Variants in KANK1 observed in about 807,000 individuals in gnomAD.
KANK1 encodes KN motif and ankyrin repeat domains 1, also known as KN motif and ankyrin repeat domain-containing protein 1.
In KANK1, 109 loss-of-function variants were observed where a neutral mutation model predicts 106.2. That is an observed-to-expected ratio of 1.03 (90% CI 0.88 to 1.20). The LOEUF (loss-of-function observed/expected upper bound fraction) is 1.20. Among genes scored for constraint, KANK1 ranks in the 50% most tolerant of loss-of-function variants. KANK1 has a pLI of 0.00. For missense variants in KANK1, 2,399 were observed against 1,710.7 expected (o/e 1.40, Z -7.10); for synonymous variants, 873 against 652.2 (o/e 1.34, Z -5.16).
At chr9:611,334 A>G (rs1186383305) in intron 1 of KANK1, among the ~76,000 whole-genome samples, 1 of 152,184 alleles carries the variant, frequency 6.6e-6, no homozygotes, top group African/African-American at 2.4e-5. Flanking sequence ...CTATGCCTTA[A>G]TTTCCAATGT....
intron 2 of KANK1, among the ~76,000 whole-genome samples, chr9:689,236 C>T (rs772366284): frequency 1.3e-5 from 2 of 152,118 alleles, no homozygotes; most frequent in Admixed American, 6.5e-5. Flanking sequence ...AAAGCCCATG[C>T]GACACTAGTT....
rs1836671401 is a variant in KANK1, at chr9:744,510, C to T, written c.3917C>T (p.Ser1306Leu). The change falls in exon 11 of 12, where the codon TCA becomes TTA. Residue 1306 changes from serine to leucine, a missense_variant. Ser to Leu is a moderately radical substitution (Grantham distance 145). Coordinates refer to ENST00000382297, the MANE Select transcript of KANK1 (RefSeq NM_015158.5). ...CTTAAGGATGGCAGCACTGCGCTCT[C>T]AATCGCCCTGGAAGCAGGACACAAG... is the stretch of plus-strand genomic sequence containing the variant. ...LEDNDGSTAL[S>L]IALEAGHKDI... 4 of 1,614,148 alleles carry T rather than the reference C, an allele frequency of 2.5e-6. No homozygotes were observed. Among genetic ancestry groups the T allele is most frequent in the Non-Finnish European group, 3.4e-6 (4 of 1,179,998 alleles).
chr9:717,413 C>T (rs930349146), intron 3 of KANK1, among the ~76,000 whole-genome samples: 3 of 152,212 alleles, frequency 2.0e-5, no homozygotes, highest in African/African-American at 4.8e-5. Flanking sequence ...CATGCTTGCA[C>T]GTCTGTATTT....
At chr9:663,816 T>C (rs972888898) in intron 1 of KANK1, among the ~76,000 whole-genome samples, 1 of 152,196 alleles carries the variant, frequency 6.6e-6, no homozygotes, top group African/African-American at 2.4e-5. Flanking sequence ...GCAGCCCTTG[T>C]GTACACTCTT....
rs1234180634 is a variant in KANK1, at chr9:533,032, G to A, written c.-84+28278G>A. Among the ~76,000 whole-genome samples, 3 of 152,198 alleles carry A rather than the reference G, an allele frequency of 2.0e-5. No homozygotes were observed. In the East Asian group the frequency reaches 5.8e-4, roughly 29 times the overall value. Reference sequence around the variant, plus strand: ...TTTTGGAGTTGGATTTTGTCCTGCAGTGATGTCTTTGAAGAGGAAAGCACT... The same window carrying A: ...TTTTGGAGTTGGATTTTGTCCTGCAATGATGTCTTTGAAGAGGAAAGCACT... On this transcript the variant is annotated intron_variant, in intron 1 of 11. Coordinates refer to ENST00000382297, the MANE Select transcript of KANK1 (RefSeq NM_015158.5).
chr9:482,709 T>C (rs938098983), intron 3 of KANK1, among the ~76,000 whole-genome samples: 6 of 152,254 alleles, frequency 3.9e-5, no homozygotes, highest in African/African-American at 1.4e-4. Flanking sequence ...AATCACCTGC[T>C]GGCCTATCAT....
intron 3 of KANK1, among the ~76,000 whole-genome samples, chr9:477,135 G>A (rs185816865): frequency 6.6e-6 from 1 of 152,254 alleles, no homozygotes; most frequent in Non-Finnish European, 1.5e-5. Flanking sequence ...TGGGTGACAG[G>A]CGATAAAGTA....
At chr9:499,260 A>T (rs1048036524) in intron 3 of KANK1, among the ~76,000 whole-genome samples, 1 of 152,188 alleles carries the variant, frequency 6.6e-6, no homozygotes, top group Admixed American at 6.5e-5. Flanking sequence ...AGAGAGGAAA[A>T]CATGTTTATT....
At chr9:635,272 C>G (rs1230163441) in intron 1 of KANK1, among the ~76,000 whole-genome samples, 1 of 152,122 alleles carries the variant, frequency 6.6e-6, no homozygotes, top group Non-Finnish European at 1.5e-5. Context: ...ACCCAGCCCC[C>G]CAGGCCTATA....
chr9:550,793 C>G (rs145113789), intron 1 of KANK1, among the ~76,000 whole-genome samples: 89 of 152,270 alleles, frequency 5.8e-4, no homozygotes, highest in Non-Finnish European at 1.0e-3. Context: ...TCTTTTCTTC[C>G]TAACAATTTC....
chr9:473,168 A>G (rs1587170713), intron 2 of KANK1: 1 of 152,322 alleles, frequency 6.6e-6, no homozygotes, highest in South Asian at 2.1e-4. Flanking sequence ...GATCCTCACA[A>G]CACCTTTCAT....
intron 3 of KANK1, among the ~76,000 whole-genome samples, chr9:726,391 C>T (rs2131543406): frequency 6.6e-6 from 1 of 152,346 alleles, no homozygotes; most frequent in African/African-American, 2.4e-5. Flanking sequence ...CTAACCCCAG[C>T]ACTTTGGGAG....
chr9:664,128 T>G (rs1190636266), intron 1 of KANK1, among the ~76,000 whole-genome samples: 2 of 152,180 alleles, frequency 1.3e-5, no homozygotes, highest in Non-Finnish European at 2.9e-5. Flanking sequence ...ACTTGATTAA[T>G]GTTAACTGTA....
intron 1 of KANK1, among the ~76,000 whole-genome samples, chr9:612,224 GGT>G (rs1830734292): frequency 6.6e-6 from 1 of 152,172 alleles, no homozygotes; most frequent in African/African-American, 2.4e-5. Context: ...CACAAAGCCA[GGT>G]GTTGTGGCTC....
intron 2 of KANK1, among the ~76,000 whole-genome samples, chr9:696,021 G>A (rs1219196281): frequency 3.9e-5 from 6 of 152,112 alleles, no homozygotes; most frequent in African/African-American, 9.7e-5. Flanking sequence ...GGCCAGGCGC[G>A]GTGGCTCATG....
intron 3 of KANK1, among the ~76,000 whole-genome samples, chr9:723,828 C>A (rs565460399): frequency 2.2e-4 from 33 of 151,174 alleles, no homozygotes; most frequent in African/African-American, 7.5e-4. Flanking sequence ...CACAGTAGCT[C>A]ATGCCTGTAA....
intron 1 of KANK1, among the ~76,000 whole-genome samples, chr9:630,707 G>A (rs1176210613): frequency 1.3e-5 from 2 of 151,808 alleles, no homozygotes; most frequent in African/African-American, 4.8e-5. Flanking sequence ...TTTGAGACCA[G>A]CCTGGCCAAC....
chr9:695,492 C>T (rs1366601317), intron 2 of KANK1, among the ~76,000 whole-genome samples: 1 of 152,138 alleles, frequency 6.6e-6, no homozygotes, highest in Non-Finnish European at 1.5e-5. Flanking sequence ...CTACAGCTCC[C>T]TGCTGGCATC....
intron 1 of KANK1, among the ~76,000 whole-genome samples, chr9:639,052 C>G (rs139088831): frequency 6.6e-6 from 1 of 152,166 alleles, no homozygotes; most frequent in Admixed American, 6.5e-5. Context: ...CAGTGTAAGT[C>G]TTACCTTCCT....
Sources: gnomAD v4.1 joint callset for allele counts (sites outside exome capture counted in the v4.1 genomes callset) on GRCh38, gnomAD v4.1.1 for gene constraint, MANE v1.5 for transcripts, NCBI Gene and HGNC (gene_info 2026-07-23, HGNC 2026-07-21) for gene names.